The following GLRB variants were observed in gnomAD, a reference collection of about 807,000 sequenced individuals.
GLRB encodes the protein glycine receptor beta.
GLRB carries 33 observed loss-of-function variants against 54.2 expected under a neutral mutation model. The ratio of observed to expected loss-of-function variants is 0.61; its 90% CI spans 0.46 to 0.81. GLRB has a LOEUF of 0.81. Among genes scored for constraint, GLRB ranks in the 40% least tolerant of loss-of-function variants. The pLI is 0.00. For synonymous variants in GLRB, 209 were observed against 208.2 expected (o/e 1.00, Z -0.03); for missense variants, 572 against 584.6 (o/e 0.98, Z 0.22).
At chr4:157,106,528 A>T (rs1435912687) in intron 2 of GLRB, among the ~76,000 whole-genome samples, 1 of 152,056 alleles carries the variant, frequency 6.6e-6, no homozygotes, top group East Asian at 1.9e-4. Flanking sequence ...AACACTACCC[A>T]ATTGGATGGG....
At chr4:157,160,582 G>A (rs1356970606) in intron 9 of GLRB, among the ~76,000 whole-genome samples, 1 of 151,754 alleles carries the variant, frequency 6.6e-6, no homozygotes, top group Non-Finnish European at 1.5e-5. Flanking sequence ...CCTTCATTTC[G>A]TTATGTATCC....
intron 2 of GLRB, among the ~76,000 whole-genome samples, chr4:157,085,643 C>T (rs1270096048): frequency 2.0e-5 from 3 of 151,940 alleles, no homozygotes; most frequent in Admixed American, 1.3e-4. Flanking sequence ...ACTACAGGTG[C>T]GTGCCACCAC....
chr4:157,134,785 T>C (rs185566572), intron 4 of GLRB, among the ~76,000 whole-genome samples: 10 of 152,204 alleles, frequency 6.6e-5, no homozygotes, highest in African/African-American at 2.2e-4. Context: ...TACAATGAAG[T>C]AATTGAGAAA....
intron 9 of GLRB, among the ~76,000 whole-genome samples, chr4:157,162,778 G>T (rs1737557836): frequency 6.6e-6 from 1 of 152,176 alleles, no homozygotes; most frequent in South Asian, 2.1e-4. Flanking sequence ...GGCTACTCAG[G>T]AGTCAGGGAC....
rs775852759 is a variant in GLRB, at chr4:157,120,675, C to A, written c.229+13C>A. The A allele has an allele frequency of 8.4e-7, 1 of 1,186,876 alleles. No homozygotes were observed. The allele number at this position is 1,186,876 out of a possible 1,614,324, so 73.5% of individuals were successfully genotyped here. A position where few individuals can be genotyped will look rare whatever the true frequency, so the allele number is the denominator to read the frequency against. On this transcript the variant is annotated intron_variant, in intron 3 of 9. Coordinates refer to ENST00000264428, the MANE Select transcript of GLRB (RefSeq NM_000824.5). ...CCAAACTTCAAAGGTTTGTCTCCCC[C>A]ATATAAATGTTCATTTTTATTGTTT...
chr4:157,167,623 C>G (rs954134613), intron 9 of GLRB, among the ~76,000 whole-genome samples: 5 of 152,162 alleles, frequency 3.3e-5, no homozygotes, highest in African/African-American at 1.2e-4. Flanking sequence ...TGTGCATTTC[C>G]TGAAGTCATA....
intron 9 of GLRB, among the ~76,000 whole-genome samples, chr4:157,161,020 A>G (rs1737464611): frequency 6.6e-6 from 1 of 152,198 alleles, no homozygotes; most frequent in African/African-American, 2.4e-5. Context: ...GTGCTCCTGT[A>G]TCGGGTGCCT....
At chr4:157,135,822 A>G (rs1212146907) in intron 4 of GLRB, among the ~76,000 whole-genome samples, 1 of 152,182 alleles carries the variant, frequency 6.6e-6, no homozygotes, top group Non-Finnish European at 1.5e-5. Flanking sequence ...TATCAGCCAC[A>G]TGCTTTGGCT....
intron 7 of GLRB, among the ~76,000 whole-genome samples, chr4:157,141,570 T>G (rs1466879341): frequency 6.6e-6 from 1 of 151,940 alleles, no homozygotes; most frequent in Non-Finnish European, 1.5e-5. Flanking sequence ...ACAAAAATAC[T>G]CAAATTGGAA....
At chr4:157,136,924 G>A (rs770847089) in intron 6 of GLRB, 38 bp downstream of exon 6, 3 of 1,275,518 alleles carry the variant, frequency 2.4e-6, no homozygotes, top group African/African-American at 2.9e-5. Flanking sequence ...TGAAAATAAA[G>A]TGTTTAAAAT....
intron 9 of GLRB, among the ~76,000 whole-genome samples, chr4:157,153,799 A>G (rs1397981693): frequency 6.6e-6 from 1 of 152,132 alleles, no homozygotes; most frequent in African/African-American, 2.4e-5. Context: ...AGTAAATTCC[A>G]CAGAAGACCA....
intron 6 of GLRB, among the ~76,000 whole-genome samples, chr4:157,138,288 C>T (rs920440770): frequency 2.0e-5 from 3 of 152,076 alleles, no homozygotes; most frequent in South Asian, 2.1e-4. Flanking sequence ...ATTGGCCAGG[C>T]TGGTCTCGAA....
intron 2 of GLRB, among the ~76,000 whole-genome samples, chr4:157,103,824 C>T (rs1735125613): frequency 2.6e-5 from 4 of 151,900 alleles, no homozygotes; most frequent in Admixed American, 1.3e-4. Flanking sequence ...AATTATTTTC[C>T]TAACTTCCTT....
intron 9 of GLRB, among the ~76,000 whole-genome samples, chr4:157,162,133 A>G (rs1241944065): frequency 6.6e-6 from 1 of 152,198 alleles, no homozygotes; most frequent in Non-Finnish European, 1.5e-5. Context: ...CGGCGACTGA[A>G]GCTTGTGAAT....
Position 157,143,922 on chromosome 4 carries a change from G to T in GLRB, c.867G>T (p.Trp289Cys). The T allele has an allele frequency of 6.2e-7, 1 of 1,614,046 alleles. No individual in the cohort carries two copies. Among genetic ancestry groups the T allele is most frequent in the Non-Finnish European group, 8.5e-7 (1 of 1,180,012 alleles). ...TTGTTCTCTCCTGGCTTTCCTTCTG[G>T]ATCAACCCGGACGCGAGTGCTGCCA... The part of the protein sequence containing the change: ...LIVVLSWLSF[W>C]INPDASAARV... The change falls in exon 8 of 10, where the codon TGG (tryptophan) becomes TGT (cysteine). Residue 289 changes from tryptophan (W) to cysteine (C), a missense_variant. Physicochemically the swap from Trp to Cys is radical, Grantham distance 215. Coordinates refer to ENST00000264428, the MANE Select transcript of GLRB (RefSeq NM_000824.5).
At chr4:157,168,261 G>A (rs1288084510) in intron 9 of GLRB, among the ~76,000 whole-genome samples, 2 of 151,990 alleles carry the variant, frequency 1.3e-5, no homozygotes, top group Non-Finnish European at 2.9e-5. Flanking sequence ...AATTGTAACT[G>A]CACATTAAAA....
intron 2 of GLRB, among the ~76,000 whole-genome samples, chr4:157,081,888 A>G (rs1390469189): frequency 1.3e-5 from 2 of 152,154 alleles, no homozygotes; most frequent in Admixed American, 6.5e-5. Flanking sequence ...TTGGCTCCAC[A>G]CACAAGGTTC....
chr4:157,170,287 T>A lies in GLRB; in HGVS notation c.1198-145T>A. 4.9e-6 allele frequency: 3 copies of A among 616,872 alleles called. No homozygotes were observed. In the South Asian group the frequency reaches 6.1e-5, roughly 12 times the overall value. 38.2% of individuals were successfully genotyped at this position (616,872 alleles called of 1,614,324 possible). A position where few individuals can be genotyped will look rare whatever the true frequency, so the allele number is the denominator to read the frequency against. ...ATGCTCAGGCAATCTGATGGTTTAA[T>A]CAGATAACCATTCTCTCTGTTAGTT... On this transcript the variant is annotated intron_variant, in intron 9 of 9. Coordinates refer to ENST00000264428, the MANE Select transcript of GLRB (RefSeq NM_000824.5).
chr4:157,162,176 C>T (rs1737523918), intron 9 of GLRB, among the ~76,000 whole-genome samples: 1 of 152,212 alleles, frequency 6.6e-6, no homozygotes, highest in African/African-American at 2.4e-5. Context: ...TGGTTTTCAG[C>T]TCCATCAGGT....
Sources: allele counts gnomAD v4.1 joint callset (sites outside exome capture counted in the v4.1 genomes callset), GRCh38; gene constraint gnomAD v4.1.1; transcripts MANE v1.5; gene names NCBI Gene and HGNC (gene_info 2026-07-23, HGNC 2026-07-21).